The following TTC39B variants were observed in gnomAD, a reference collection of about 807,000 sequenced individuals.
TTC39B encodes tetratricopeptide repeat domain 39B, also known as tetratricopeptide repeat protein 39B.
A neutral mutation model predicts 96.6 loss-of-function variants in TTC39B; 92 were observed. The observed-to-expected ratio is 0.95, with a 90% CI of 0.80 to 1.13. The LOEUF is 1.13. Among genes scored for constraint, TTC39B ranks in the 50% most tolerant of loss-of-function variants. The pLI, the probability that TTC39B is intolerant of heterozygous loss-of-function variation, is 0.00. For synonymous variants in TTC39B, 367 were observed against 299.4 expected, an observed-to-expected ratio of 1.23 and a Z score of -2.33; for missense variants, 955 against 809.3, an observed-to-expected ratio of 1.18 and a Z score of -2.18.
intron 3 of TTC39B, among the ~76,000 whole-genome samples, chr9:15,223,533 T>G (rs941885876): frequency 6.6e-6 from 1 of 152,176 alleles, no homozygotes; most frequent in Non-Finnish European, 1.5e-5. Flanking sequence ...GAGTAACATA[T>G]GAGGTATGGC....
intron 1 of TTC39B, among the ~76,000 whole-genome samples, chr9:15,293,325 G>C (rs1336615821): frequency 1.3e-5 from 2 of 152,174 alleles, no homozygotes; most frequent in Non-Finnish European, 2.9e-5. Flanking sequence ...ACATTTCTCA[G>C]AGAGCATATA....
intron 3 of TTC39B, among the ~76,000 whole-genome samples, chr9:15,216,445 T>C (rs1026851525): frequency 6.6e-6 from 1 of 152,160 alleles, no homozygotes; most frequent in Non-Finnish European, 1.5e-5. Flanking sequence ...GGGCTAAGAA[T>C]TGCTTTGCCC....
intron 1 of TTC39B, among the ~76,000 whole-genome samples, chr9:15,303,531 C>A (rs1194992626): frequency 6.6e-6 from 1 of 151,952 alleles, no homozygotes; most frequent in East Asian, 1.9e-4. Context: ...ACCACCATGC[C>A]CAGCTAACTA....
At chr9:15,282,400 C>G (rs573071434) in intron 1 of TTC39B, among the ~76,000 whole-genome samples, 2 of 152,326 alleles carry the variant, frequency 1.3e-5, no homozygotes, top group African/African-American at 4.8e-5. Context: ...TGGAAATATT[C>G]TGCCTTAGTT....
chr9:15,175,175 CAAGAAA>C (rs1564308210), intron 18 of TTC39B, 40 bp from the exon 19 acceptor site: 16 of 1,320,050 alleles, frequency 1.2e-5, no homozygotes, highest in Non-Finnish European at 1.7e-5. Context: ...CTTAACAGAA[CAAGAAA>C]TACACATTTT....
At chr9:15,185,469 TG>T in intron 15 of TTC39B, 63 bp from the exon 16 acceptor site, 1 of 1,596,412 alleles carries the variant, frequency 6.3e-7, no homozygotes, top group Admixed American at 1.7e-5. Flanking sequence ...TATTTGTACC[TG>T]TGGTTTTCAC....
At chr9:15,174,048 A>G (rs1817799071) in intron 19 of TTC39B, among the ~76,000 whole-genome samples, 1 of 152,166 alleles carries the variant, frequency 6.6e-6, no homozygotes, top group Admixed American at 6.5e-5. Flanking sequence ...GATTGGCTTT[A>G]ATTATGCAAA....
chr9:15,293,622 C>T (rs10810373), intron 1 of TTC39B, among the ~76,000 whole-genome samples: 57,341 of 151,988 alleles, frequency 0.38, 10,916 homozygotes, highest in South Asian at 0.43. Context: ...GCCACCTGTA[C>T]CCCAGCCAGG....
At chr9:15,241,279 T>C (rs116703774) in intron 2 of TTC39B, among the ~76,000 whole-genome samples, 3,240 of 149,768 alleles carry the variant, frequency 0.022, 121 homozygotes, top group African/African-American at 0.075. Flanking sequence ...GGGATTAAAA[T>C]AGAGAATGCA....
rs964061747 is a variant in TTC39B, at chr9:15,168,420, A to G, written c.*3599T>C. 3.7e-4 allele frequency: 3 copies of G among 8,072 alleles called. No individual in the cohort carries two copies. The South Asian group carries it at 0.013, about 36-fold the overall frequency. 0.5% of individuals were successfully genotyped at this position (8,072 alleles called of 1,614,324 possible). On this transcript the variant is annotated 3_prime_UTR_variant, in exon 20 of 20. Transcript: ENST00000512701. ...TTCTAAATATGCAGAGTATAAATAC[A>G]AAAAAAAAAAACAGAAATGGAGGGA...
intron 1 of TTC39B, among the ~76,000 whole-genome samples, chr9:15,279,999 G>A (rs576459548): frequency 1.1e-4 from 17 of 148,106 alleles, no homozygotes; most frequent in Non-Finnish European, 1.6e-4. Context: ...GGGTTCAAGC[G>A]ATTCTCCTGC....
At chr9:15,178,532 G>A (rs1284822196) in intron 17 of TTC39B, among the ~76,000 whole-genome samples, 3 of 152,206 alleles carry the variant, frequency 2.0e-5, no homozygotes, top group Admixed American at 6.5e-5. Flanking sequence ...CTATGATGGC[G>A]CCACTGCACT....
At chr9:15,224,406 T>G (rs578094800) in intron 3 of TTC39B, 1 of 152,478 alleles carries the variant, frequency 6.6e-6, no homozygotes, top group South Asian at 2.1e-4. Context: ...CACACATCTA[T>G]GTAGCTCTTG....
chr9:15,217,215 C>A (rs1447540794), intron 3 of TTC39B, among the ~76,000 whole-genome samples: 1 of 152,194 alleles, frequency 6.6e-6, no homozygotes, highest in Non-Finnish European at 1.5e-5. Context: ...AATCCTCACT[C>A]TTTTTCTCAA....
intron 17 of TTC39B, among the ~76,000 whole-genome samples, chr9:15,179,588 TGCTTTTAATCACGGATGTTAAA>T (rs1818139795): frequency 6.6e-6 from 1 of 152,240 alleles, no homozygotes; most frequent in Non-Finnish European, 1.5e-5. Context: ...TTCTATCCAT[TGCTTTTAATCACGGATGTTAAA>T]ACAGACATTC....
chr9:15,211,400 G>A lies in TTC39B; in HGVS notation c.483-3C>T. On this transcript the variant is annotated splice_region_variant and splice_polypyrimidine_tract_variant and intron_variant, in intron 4 of 19. Transcript: ENST00000512701. ...CATGGTACATACTCTCCTTAGCCCT[G>A]GGAAGAACACAGGGAATTCAGACAT... 3 of 1,485,060 alleles carry A rather than the reference G, an allele frequency of 2.0e-6. No homozygotes were observed. The highest frequency in any genetic ancestry group is 2.7e-6 in the Non-Finnish European group (3 of 1,117,014). The allele number at this position is 1,485,060 out of a possible 1,614,324, so 92.0% of individuals were successfully genotyped here.
chr9:15,174,005 C>T (rs1227879826), intron 19 of TTC39B, among the ~76,000 whole-genome samples: 1 of 152,122 alleles, frequency 6.6e-6, no homozygotes, highest in Non-Finnish European at 1.5e-5. Context: ...ATGCTCCCTA[C>T]CTAGTTGGTT....
chr9:15,186,977 A>G, exon 15 of TTC39B: 1 of 1,613,792 alleles, frequency 6.2e-7, no homozygotes, highest in Non-Finnish European at 8.5e-7. Context: ...ATTCGTTGCT[A>G]CTACATCCTC....
chr9:15,173,146 C>T (rs1421867444), intron 19 of TTC39B, among the ~76,000 whole-genome samples: 3 of 152,018 alleles, frequency 2.0e-5, no homozygotes, highest in African/African-American at 2.4e-5. Flanking sequence ...CCTTATTATA[C>T]ATTGTATATT....
Sources: allele counts gnomAD v4.1 joint callset (sites outside exome capture counted in the v4.1 genomes callset), GRCh38; gene constraint gnomAD v4.1.1; transcripts MANE v1.5; gene names NCBI Gene and HGNC (gene_info 2026-07-23, HGNC 2026-07-21).